The following KIF13A variants were observed in gnomAD, a reference collection of about 807,000 sequenced individuals.
KIF13A encodes kinesin family member 13A.
Under a neutral mutation model 212.2 loss-of-function variants are expected in KIF13A, and 79 were observed. The ratio of observed to expected loss-of-function variants is 0.37; its 90% CI spans 0.31 to 0.45. The LOEUF (loss-of-function observed/expected upper bound fraction) is 0.45. KIF13A is among the 20% of genes least tolerant of loss of function. The probability of loss-of-function intolerance (pLI) is 1.00; values close to 1 mark genes in which losing one functional copy is unlikely to be tolerated. For missense variants in KIF13A, 1,901 were observed against 2,209.0 expected (o/e 0.86, Z 2.79); for synonymous variants, 789 against 808.6 (o/e 0.98, Z 0.41).
chr6:17,907,076 T>C (rs1169864386), intron 2 of KIF13A, among the ~76,000 whole-genome samples: 1 of 152,226 alleles, frequency 6.6e-6, no homozygotes, highest in East Asian at 1.9e-4. Flanking sequence ...TTACTTTAAT[T>C]AATAGCTAAC....
chr6:17,816,934 G>T lies in KIF13A; in HGVS notation c.2000+86C>A, dbSNP rs76051175. 35,730 of 1,035,790 alleles carry T rather than the reference G, an allele frequency of 0.034. 764 individuals carry two copies. Among genetic ancestry groups the T allele is most frequent in the Non-Finnish European group, 0.043 (30,589 of 715,576 alleles). The allele number at this position is 1,035,790 out of a possible 1,614,324, so 64.2% of individuals were successfully genotyped here. On this transcript the variant is annotated intron_variant, in intron 17 of 38. Coordinates refer to ENST00000259711, the MANE Select transcript of KIF13A (RefSeq NM_022113.6). The surrounding 1 kb of genome is among the most constrained non-coding windows in gnomAD (Gnocchi z 4.3). ...TAAGAGTTCTCTTGTTGCTAGGTTT[G>T]TCCCTGACATGTCTCAAAAACCCCT...
Position 17,828,219 on chromosome 6 carries a change from G to A in KIF13A, c.1532+21C>T, listed in dbSNP as rs2150368414. The A allele has an allele frequency of 6.2e-7, 1 of 1,607,258 alleles. No homozygotes were observed. Among genetic ancestry groups the A allele is most frequent in the South Asian group, 1.1e-5 (1 of 89,782 alleles). On this transcript the variant is annotated intron_variant, in intron 14 of 38. Transcript: ENST00000259711. This position sits in a 1 kb window ranked among gnomAD's most constrained non-coding sequence, Gnocchi z 4.3. ...AAATAAGGCACACAAGACACGTGAAGTCACCATTTACTTTTCTTACCTTGC... is the reference window on the plus strand; with the variant it reads ...AAATAAGGCACACAAGACACGTGAAATCACCATTTACTTTTCTTACCTTGC...
At chr6:17,763,475 C>CAAAAA (rs67357010), downstream of KIF13A, among the ~76,000 whole-genome samples, 6 of 75,728 alleles carry the variant, frequency 7.9e-5, no homozygotes, top group Admixed American at 1.8e-4. Context: ...CACTCCATCT[C>CAAAAA]AAAAAAAAAA....
chr6:17,978,495 T>C (rs1373495621), intron 2 of KIF13A, among the ~76,000 whole-genome samples: 1 of 152,236 alleles, frequency 6.6e-6, no homozygotes, highest in African/African-American at 2.4e-5. Context: ...GCTCTGACAT[T>C]AATAAACTGA....
intron 3 of KIF13A, among the ~76,000 whole-genome samples, chr6:17,877,144 CAAAAAAAAAAA>C (rs35738402): frequency 6.8e-4 from 67 of 97,954 alleles, no homozygotes; most frequent in African/African-American, 2.5e-3. Flanking sequence ...TCTCTCTTGC[CAAAAAAAAAAA>C]AAAAAAAAGA....
intron 29 of KIF13A, among the ~76,000 whole-genome samples, chr6:17,782,913 G>A (rs558557036): frequency 6.6e-6 from 1 of 152,184 alleles, no homozygotes; most frequent in Non-Finnish European, 1.5e-5. Flanking sequence ...CTATGACAGG[G>A]AACTCACTAT....
chr6:17,764,289 AATCTTTT>A lies in KIF13A; in HGVS notation c.5232_5238del (p.Lys1745LeufsTer4). On this transcript the variant is annotated frameshift_variant, in exon 39 of 39. Transcript: ENST00000259711. LOFTEE classifies it low-confidence loss of function (END_TRUNC). The surrounding 1 kb of genome is among the most constrained non-coding windows in gnomAD (Gnocchi z 5.1). ...GCAGAAGAATCTGTCAAACCATCAA[AATCTTTT>A]CCCTCTGACACTCCCATAAATTCTG... The A allele has an allele frequency of 6.2e-7, 1 of 1,613,876 alleles. No individual in the cohort carries two copies. The highest frequency in any genetic ancestry group is 8.5e-7 in the Non-Finnish European group (1 of 1,179,864).
intron 3 of KIF13A, among the ~76,000 whole-genome samples, chr6:17,881,275 T>A (rs1025415495): frequency 3.9e-5 from 6 of 152,172 alleles, no homozygotes; most frequent in Non-Finnish European, 7.3e-5. Flanking sequence ...CCACTGAACA[T>A]CTAATAAAGT....
At chr6:17,969,507 T>G (rs867065060) in intron 2 of KIF13A, among the ~76,000 whole-genome samples, 1 of 152,252 alleles carries the variant, frequency 6.6e-6, no homozygotes, top group East Asian at 1.9e-4. Context: ...AGGAAATGAC[T>G]GGCTGAAGCT....
chr6:17,771,180 A>G lies in KIF13A; in HGVS notation c.4515T>C (p.Ile1505=), dbSNP rs759161891. The change falls in exon 38 of 39, where the codon ATT becomes ATC. Residue 1505 remains isoleucine (I), a synonymous_variant. Coordinates refer to ENST00000259711, the MANE Select transcript of KIF13A (RefSeq NM_022113.6). This position sits in a 1 kb window ranked among gnomAD's most constrained non-coding sequence, Gnocchi z 5.4. The part of the protein sequence containing the change: ...PPPQAHNPGC[I]VPSGSNGSSM... The stretch of plus-strand genomic sequence containing the variant: ...TGCTGCCATTGCTTCCTGAGGGTAC[A>G]ATGCAGCCAGGGTTATGTGCCTGAG... 1.9e-6 allele frequency: 3 copies of G among 1,613,258 alleles called. No individual in the cohort carries two copies. The highest frequency in any genetic ancestry group is 2.5e-6 in the Non-Finnish European group (3 of 1,179,634).
intron 4 of KIF13A, among the ~76,000 whole-genome samples, chr6:17,860,054 G>A (rs957256656): frequency 2.0e-5 from 3 of 152,154 alleles, no homozygotes; most frequent in African/African-American, 7.2e-5. Context: ...TCAGCTTATA[G>A]TGACTCCCTA....
intron 2 of KIF13A, among the ~76,000 whole-genome samples, chr6:17,928,845 T>C (rs1187738981): frequency 1.3e-5 from 2 of 152,110 alleles, no homozygotes; most frequent in East Asian, 3.9e-4. Flanking sequence ...AGAATACCTT[T>C]GGTCACATGA....
chr6:17,875,693 G>C (rs1229868221), intron 3 of KIF13A, among the ~76,000 whole-genome samples: 1 of 151,994 alleles, frequency 6.6e-6, no homozygotes, highest in Non-Finnish European at 1.5e-5. Flanking sequence ...GACCTCAAAT[G>C]ATCTGCCTGC....
chr6:17,948,858 G>A (rs1305953608), intron 2 of KIF13A, among the ~76,000 whole-genome samples: 2 of 151,850 alleles, frequency 1.3e-5, no homozygotes, highest in Non-Finnish European at 2.9e-5. Context: ...GAGCCACCTC[G>A]CCTGGCCCAA....
intron 19 of KIF13A, among the ~76,000 whole-genome samples, chr6:17,804,846 G>A (rs373142288): frequency 0.17 from 8,929 of 51,686 alleles, 2 homozygotes; most frequent in Non-Finnish European, 0.25. Context: ...AAAAAAAAAA[G>A]AATTAGCCCA....
At chr6:17,808,984 G>A (rs1322613606) in intron 17 of KIF13A, 54 bp from the exon 18 acceptor site, 40 of 1,440,280 alleles carry the variant, frequency 2.8e-5, no homozygotes, top group East Asian at 9.8e-5. Context: ...CTGCAATCCC[G>A]TTTCTAAGTG....
chr6:17,843,453 GTTC>G lies in KIF13A; in HGVS notation c.831-5873_831-5871del, dbSNP rs1457352463. 6.6e-6 allele frequency among the ~76,000 whole-genome samples: 1 copy of G among 152,200 alleles called. No individual in the cohort carries two copies. Among genetic ancestry groups the G allele is most frequent in the Non-Finnish European group, 1.5e-5 (1 of 68,026 alleles). On this transcript the variant is annotated intron_variant, in intron 9 of 38. Transcript: ENST00000259711. The surrounding 1 kb of genome is among the most constrained non-coding windows in gnomAD (Gnocchi z 5.3). Reference sequence around the variant, plus strand: ...GGGTGGGGCTTCCAAGAAAACTGTTGTTCTTCTGATAAAAGAAGGTACAAATTC... The same window carrying G: ...GGGTGGGGCTTCCAAGAAAACTGTTGTTCTGATAAAAGAAGGTACAAATTC...
At chr6:17,832,850 A>G (rs1442396901) in intron 12 of KIF13A, among the ~76,000 whole-genome samples, 3 of 151,120 alleles carry the variant, frequency 2.0e-5, no homozygotes, top group Admixed American at 2.0e-4. Flanking sequence ...CATCTCTACT[A>G]AAGTACAAAA....
chr6:17,785,532 A>G lies in KIF13A; in HGVS notation c.3471T>C (p.Pro1157=). 1.9e-6 allele frequency: 3 copies of G among 1,585,154 alleles called. No individual in the cohort carries two copies. The highest frequency in any genetic ancestry group is 2.3e-5 in the South Asian group (2 of 85,906). ...AGCCTTACCAGTCGGCAGGTGCCCC[A>G]GGAATCCCACTGCCTGGGGCTGGCA... is the stretch of plus-strand genomic sequence containing the variant. ...VLVPAPGSGI[P]GAPADWIPPP... The change falls in exon 28 of 39, where the codon CCT becomes CCC. Residue 1157 remains proline, a synonymous_variant. Coordinates refer to ENST00000259711, the MANE Select transcript of KIF13A (RefSeq NM_022113.6). This position sits in a 1 kb window ranked among gnomAD's most constrained non-coding sequence, Gnocchi z 5.8.
Sources: allele counts gnomAD v4.1 joint callset (sites outside exome capture counted in the v4.1 genomes callset), GRCh38; gene constraint gnomAD v4.1.1; non-coding constraint Gnocchi (gnomAD v3.1); transcripts MANE v1.5; gene names NCBI Gene and HGNC (gene_info 2026-07-23, HGNC 2026-07-21).